The following GPR39 variants were observed in gnomAD, a reference collection of about 807,000 sequenced individuals.
The protein encoded by GPR39 is G protein-coupled receptor 39, also known as zinc sensing receptor.
A neutral mutation model predicts 18.4 loss-of-function variants in GPR39; 23 were observed. The observed-to-expected ratio is 1.25, with a 90% CI of 0.90 to 1.77. GPR39 has a LOEUF of 1.77. GPR39 is among the 40% of genes most tolerant of loss of function. The pLI, the probability that GPR39 is intolerant of heterozygous loss-of-function variation, is 0.00. For missense variants in GPR39, 647 were observed against 602.4 expected (o/e 1.07, Z -0.78); for synonymous variants, 280 against 257.9 (o/e 1.09, Z -0.82).
chr2:132,516,299 C>T (rs1269251161), intron 1 of GPR39, among the ~76,000 whole-genome samples: 1 of 152,146 alleles, frequency 6.6e-6, no homozygotes, highest in Non-Finnish European at 1.5e-5. Flanking sequence ...GACAACGGGT[C>T]TCTAGGAATG....
At chr2:132,617,738 T>C (rs1241426676) in intron 1 of GPR39, among the ~76,000 whole-genome samples, 2 of 152,186 alleles carry the variant, frequency 1.3e-5, no homozygotes, top group Non-Finnish European at 2.9e-5. Context: ...ATTTAAATAC[T>C]TGTGAAAATT....
At chr2:132,562,758 C>T (rs1251417107) in intron 1 of GPR39, among the ~76,000 whole-genome samples, 2 of 152,080 alleles carry the variant, frequency 1.3e-5, no homozygotes, top group African/African-American at 4.8e-5. Flanking sequence ...ACACAGTATG[C>T]ACTCATGTAG....
In GPR39 at chr2:132,417,640, G is replaced by A. The variant is rs371700670; in HGVS notation, c.598G>A (p.Glu200Lys). The change falls in exon 1 of 2, where the codon GAG becomes AAG. Residue 200 changes from glutamate (E) to lysine (K), a missense_variant. By Grantham distance (56) the Glu-to-Lys change is moderately conservative. Transcript: ENST00000329321. ...TCNRSSTRHH[E>K]QPETSNMSIC... ...CAACCGCTCCAGCACCCGCCACCAC[G>A]AGCAGCCCGAGACCTCCAATATGTC... is the stretch of plus-strand genomic sequence containing the variant. 1.9e-6 allele frequency: 3 copies of A among 1,613,970 alleles called. No individual in the cohort carries two copies. The highest frequency in any genetic ancestry group is 1.3e-5 in the African/African-American group (1 of 74,916).
intron 1 of GPR39, among the ~76,000 whole-genome samples, chr2:132,487,719 A>C (rs1395946929): frequency 6.6e-6 from 1 of 152,210 alleles, no homozygotes; most frequent in East Asian, 1.9e-4. Flanking sequence ...AAATAAATCT[A>C]AGGAAAGTAT....
At chr2:132,485,217 A>T (rs951860042) in intron 1 of GPR39, among the ~76,000 whole-genome samples, 1 of 152,260 alleles carries the variant, frequency 6.6e-6, no homozygotes, top group Non-Finnish European at 1.5e-5. Context: ...AAAACACAAT[A>T]TGCATACCTT....
chr2:132,420,157 G>A (rs1172402950), intron 1 of GPR39, among the ~76,000 whole-genome samples: 4 of 152,148 alleles, frequency 2.6e-5, no homozygotes, highest in African/African-American at 9.7e-5. Context: ...CGCCCACTGT[G>A]TTCTCAGCAT....
chr2:132,608,019 G>A (rs1218235867), intron 1 of GPR39, among the ~76,000 whole-genome samples: 3 of 152,042 alleles, frequency 2.0e-5, no homozygotes, highest in African/African-American at 7.3e-5. Context: ...CTCTGGAGAG[G>A]GGAAATATGA....
At chr2:132,572,829 T>C (rs1680464467) in intron 1 of GPR39, among the ~76,000 whole-genome samples, 2 of 152,160 alleles carry the variant, frequency 1.3e-5, no homozygotes, top group African/African-American at 4.8e-5. Flanking sequence ...TTGATTGTGG[T>C]TTGTCTTTCT....
At chr2:132,438,712 C>T (rs1680379272) in intron 1 of GPR39, among the ~76,000 whole-genome samples, 2 of 151,438 alleles carry the variant, frequency 1.3e-5, no homozygotes, top group African/African-American at 4.9e-5. Context: ...CAACTGATGC[C>T]TTAAGTCTCA....
chr2:132,483,756 G>C (rs1681279431), intron 1 of GPR39, among the ~76,000 whole-genome samples: 1 of 152,148 alleles, frequency 6.6e-6, no homozygotes, highest in Non-Finnish European at 1.5e-5. Flanking sequence ...TGCATTCTCA[G>C]CCAGGGCCTA....
At chr2:132,498,708 C>T (rs1681695870) in intron 1 of GPR39, among the ~76,000 whole-genome samples, 1 of 152,124 alleles carries the variant, frequency 6.6e-6, no homozygotes, top group Admixed American at 6.6e-5. Flanking sequence ...GAAAGTATTC[C>T]CTTTTCACTG....
intron 1 of GPR39, among the ~76,000 whole-genome samples, chr2:132,495,632 C>T (rs373548859): frequency 6.6e-6 from 1 of 152,176 alleles, no homozygotes. Context: ...TTGCCGAACT[C>T]ATCAGCCAGC....
intron 1 of GPR39, among the ~76,000 whole-genome samples, chr2:132,641,833 T>C (rs952788204): frequency 6.6e-6 from 1 of 152,230 alleles, no homozygotes; most frequent in African/African-American, 2.4e-5. Context: ...ATTATGGTGT[T>C]TACTTTCTTG....
At chr2:132,603,447 G>T (rs1364751956) in intron 1 of GPR39, among the ~76,000 whole-genome samples, 1 of 152,144 alleles carries the variant, frequency 6.6e-6, no homozygotes, top group Admixed American at 6.5e-5. Flanking sequence ...ATGAGTTCTA[G>T]TGTTCTATAG....
At chr2:132,575,147 C>T (rs1680507790) in intron 1 of GPR39, among the ~76,000 whole-genome samples, 1 of 152,026 alleles carries the variant, frequency 6.6e-6, no homozygotes, top group Non-Finnish European at 1.5e-5. Flanking sequence ...CTTTCTTACT[C>T]TTTTTATGAT....
At chr2:132,584,229 G>T (rs1397505009) in intron 1 of GPR39, among the ~76,000 whole-genome samples, 1 of 152,216 alleles carries the variant, frequency 6.6e-6, no homozygotes, top group African/African-American at 2.4e-5. Context: ...TGGAGGCTCT[G>T]GGGGCAGAGT....
At chr2:132,607,028 C>T (rs2104846445) in intron 1 of GPR39, among the ~76,000 whole-genome samples, 1 of 152,282 alleles carries the variant, frequency 6.6e-6, no homozygotes, top group Non-Finnish European at 1.5e-5. Flanking sequence ...TATTTTCCCC[C>T]ACTAACTCTT....
chr2:132,545,592 C>A (rs1679932238), intron 1 of GPR39, among the ~76,000 whole-genome samples: 2 of 152,144 alleles, frequency 1.3e-5, no homozygotes, highest in South Asian at 4.1e-4. Context: ...ATGCTGAAGA[C>A]CCAGAGTTGA....
chr2:132,484,226 T>A (rs1426421110), intron 1 of GPR39, among the ~76,000 whole-genome samples: 1 of 152,200 alleles, frequency 6.6e-6, no homozygotes, highest in Non-Finnish European at 1.5e-5. Flanking sequence ...CCTATGGCCA[T>A]TGCAAGATGT....
Sources: gnomAD v4.1 joint callset for allele counts (sites outside exome capture counted in the v4.1 genomes callset) on GRCh38, gnomAD v4.1.1 for gene constraint, MANE v1.5 for transcripts, NCBI Gene and HGNC (gene_info 2026-07-23, HGNC 2026-07-21) for gene names.